Variants in CLVS1 observed in about 807,000 individuals in gnomAD.
CLVS1 encodes the protein clavesin-1.
Under a neutral mutation model 33.1 loss-of-function variants are expected in CLVS1, and 10 were observed. The observed-to-expected ratio is 0.30, with a 90% CI of 0.19 to 0.51. The LOEUF (loss-of-function observed/expected upper bound fraction) is 0.51, where lower values mean the gene tolerates loss of function less well. Among genes scored for constraint, CLVS1 ranks in the 20% least tolerant of loss-of-function variants. The pLI is 0.97. For synonymous variants in CLVS1, 163 were observed against 166.1 expected (o/e 0.98, Z 0.14); for missense variants, 343 against 433.4 (o/e 0.79, Z 1.85).
intron 3 of CLVS1, among the ~76,000 whole-genome samples, chr8:61,451,179 G>A (rs1183238042): frequency 6.6e-6 from 1 of 151,882 alleles, no homozygotes; most frequent in African/African-American, 2.4e-5. Context: ...AAAAAAAGCA[G>A]GGGTTATTTG....
At chr8:61,011,244 C>T in the CLVS1 span, among the ~76,000 whole-genome samples, 9 of 152,266 alleles carry the variant, frequency 5.9e-5, no homozygotes, top group African/African-American at 2.2e-4. Context: ...CCAGCCTGAT[C>T]AACATAGTGA....
At chr8:60,986,358 GA>G in the CLVS1 span, among the ~76,000 whole-genome samples, 1 of 152,224 alleles carries the variant, frequency 6.6e-6, no homozygotes, top group African/African-American at 2.4e-5. Context: ...TTGCTGATCG[GA>G]TGGCTGTTTC....
At position 61,138,702 on chromosome 8, in the gene CLVS1, T is replaced by G. The variant is rs151161861; in HGVS notation, c.-152+6842T>G. 1.6e-3 allele frequency among the ~76,000 whole-genome samples: 249 copies of G among 152,080 alleles called. 1 individual carries two copies. Among genetic ancestry groups the G allele is most frequent in the African/African-American group, 5.9e-3 (245 of 41,450 alleles). ...GGCAGTGGTCTGAAGAGTGGTATCA[T>G]GGACCGAGCCAGAGAAGGGGGAGAG... On this transcript the variant is annotated intron_variant, in intron 2 of 2. Transcript: ENST00000522621.
chr8:61,356,431 T>C (rs534342885), intron 2 of CLVS1, among the ~76,000 whole-genome samples: 1 of 152,024 alleles, frequency 6.6e-6, no homozygotes, highest in East Asian at 1.9e-4. Context: ...AGATCCCATT[T>C]GTCAATTTTG....
At chr8:60,981,058 G>GA in the CLVS1 span, among the ~76,000 whole-genome samples, 1 of 152,318 alleles carries the variant, frequency 6.6e-6, no homozygotes, top group East Asian at 1.9e-4. Flanking sequence ...CCTCCAAATG[G>GA]AGGAGGGCCC....
At position 61,357,489 on chromosome 8, in the gene CLVS1, C is replaced by CTTTTTTTTTTTTTTTTT. The variant is rs1462908906; in HGVS notation, c.456-19112_456-19111insTTTTTTTTTTTTTTTTT. ...TTTTCCTTCTTTTTCTTTCCTTTTT[C>CTTTTTTTTTTTTTTTTT]TTTTCTTTTTTTTTTTTTTTTTTTT... On this transcript the variant is annotated intron_variant, in intron 2 of 5. Coordinates refer to ENST00000325897, the MANE Select transcript of CLVS1 (RefSeq NM_173519.3). 1.3e-4 allele frequency among the ~76,000 whole-genome samples: 4 copies of CTTTTTTTTTTTTTTTTT among 30,284 alleles called. 1 individual carries two copies. In the East Asian group the frequency reaches 2.9e-3, roughly 22 times the overall value. 19.9% of individuals were successfully genotyped at this position (30,284 alleles called of 152,430 possible).
intron 1 of CLVS1, among the ~76,000 whole-genome samples, chr8:61,060,603 G>T (rs968975241): frequency 6.6e-5 from 10 of 152,124 alleles, no homozygotes; most frequent in Non-Finnish European, 8.8e-5. Flanking sequence ...ATGTCTAAGT[G>T]CCCACAGCGC....
intron 2 of CLVS1, among the ~76,000 whole-genome samples, chr8:61,316,367 T>C (rs926452515): frequency 6.6e-6 from 1 of 152,214 alleles, no homozygotes; most frequent in Non-Finnish European, 1.5e-5. Context: ...GAAGAGGAGA[T>C]ACCCAGCTTC....
At chr8:61,064,317 GCAC>G (rs1330771394) in intron 1 of CLVS1, among the ~76,000 whole-genome samples, 1 of 152,188 alleles carries the variant, frequency 6.6e-6, no homozygotes, top group Non-Finnish European at 1.5e-5. Flanking sequence ...CACAGACGCT[GCAC>G]CATTTTATGC....
chr8:61,170,915 A>T (rs1806982810), intron 2 of CLVS1, among the ~76,000 whole-genome samples: 1 of 152,248 alleles, frequency 6.6e-6, no homozygotes, highest in Non-Finnish European at 1.5e-5. Flanking sequence ...TTTGAAAAGG[A>T]GTAGAGAAAA....
chr8:61,097,339 AAAT>A (rs1805371785), intron 1 of CLVS1, among the ~76,000 whole-genome samples: 1 of 150,166 alleles, frequency 6.7e-6, no homozygotes, highest in Non-Finnish European at 1.5e-5. Flanking sequence ...AAAAATAAAC[AAAT>A]AATAAATAAA....
At chr8:61,350,869 G>C (rs1160834826) in intron 2 of CLVS1, among the ~76,000 whole-genome samples, 1 of 152,100 alleles carries the variant, frequency 6.6e-6, no homozygotes, top group African/African-American at 2.4e-5. Flanking sequence ...GAGTTGAATA[G>C]TGATTATATA....
intron 2 of CLVS1, among the ~76,000 whole-genome samples, chr8:61,244,726 G>A (rs1207633083): frequency 2.0e-5 from 3 of 152,194 alleles, no homozygotes; most frequent in African/African-American, 7.2e-5. Context: ...TATTTTGTGT[G>A]TGGCATGTGT....
At chr8:61,488,518 A>G (rs1163792620) in intron 5 of CLVS1, among the ~76,000 whole-genome samples, 1 of 152,246 alleles carries the variant, frequency 6.6e-6, no homozygotes, top group African/African-American at 2.4e-5. Flanking sequence ...GTGGGTAAAT[A>G]TGGCTATCTC....
chr8:61,172,304 A>T (rs1807018359), intron 2 of CLVS1, among the ~76,000 whole-genome samples: 1 of 146,242 alleles, frequency 6.8e-6, no homozygotes, highest in Admixed American at 7.1e-5. Flanking sequence ...AGAAGACTTT[A>T]TTTGGGGGAA....
the CLVS1 span, among the ~76,000 whole-genome samples, chr8:60,988,457 T>C: frequency 2.0e-5 from 3 of 152,008 alleles, no homozygotes; most frequent in African/African-American, 7.2e-5. Flanking sequence ...TGACCTGTGA[T>C]GCCGGTGACC....
At chr8:61,279,366 A>G (rs1585744199) in intron 2 of CLVS1, among the ~76,000 whole-genome samples, 1 of 152,190 alleles carries the variant, frequency 6.6e-6, no homozygotes, top group African/African-American at 2.4e-5. Flanking sequence ...CTCTTGCTTT[A>G]TATTTTCTTT....
rs776712646 is a variant in CLVS1, at chr8:61,166,033, T to TTTTTTTTTG, written c.-152+34181_-152+34182insGTTTTTTTT. On this transcript the variant is annotated intron_variant, in intron 2 of 2. Transcript: ENST00000522621. ...TTTTTGTGGCTAAGCATCTAAGCGT[T>TTTTTTTTTG]TTTTTTTTTTTTGCCTGCCTTTGGA... is the stretch of plus-strand genomic sequence containing the variant. Among the ~76,000 whole-genome samples the TTTTTTTTTG allele has an allele frequency of 3.6e-3, 412 of 115,414 alleles. 12 individuals carry two copies. The highest frequency in any genetic ancestry group is 7.3e-3 in the African/African-American group (167 of 22,950). 75.7% of individuals were successfully genotyped at this position (115,414 alleles called of 152,430 possible). A position where few individuals can be genotyped will look rare whatever the true frequency, so the allele number is the denominator to read the frequency against.
At chr8:61,288,191 C>T (rs1211034213) in intron 1 of CLVS1, 53 bp downstream of exon 1, 1 of 456,200 alleles carries the variant, frequency 2.2e-6, no homozygotes, top group Admixed American at 2.3e-5. Context: ...CCCCGCCTTT[C>T]CCCCGCTCTT....
Sources: allele counts gnomAD v4.1 joint callset (sites outside exome capture counted in the v4.1 genomes callset), GRCh38; gene constraint gnomAD v4.1.1; transcripts MANE v1.5; gene names NCBI Gene and HGNC (gene_info 2026-07-23, HGNC 2026-07-21).